Variants in RBMS3 observed in about 807,000 individuals in gnomAD.
RBMS3 encodes the protein RNA binding motif single stranded interacting protein 3.
In RBMS3, 27 loss-of-function variants were observed where a neutral mutation model predicts 66.8. That is an observed-to-expected ratio of 0.40 (90% CI 0.30 to 0.56). The LOEUF (loss-of-function observed/expected upper bound fraction) is 0.56, where lower values mean the gene tolerates loss of function less well. Among genes scored for constraint, RBMS3 ranks in the 20% least tolerant of loss-of-function variants. The pLI is 0.40. For missense variants in RBMS3, 513 were observed against 549.5 expected (o/e 0.93, Z 0.66); for synonymous variants, 188 against 183.0 (o/e 1.03, Z -0.22).
intron 1 of RBMS3, among the ~76,000 whole-genome samples, chr3:29,318,502 C>T (rs2034824287): frequency 6.6e-6 from 1 of 151,812 alleles, no homozygotes; most frequent in Non-Finnish European, 1.5e-5. Context: ...AATGCAAGGT[C>T]CTTACTGTTT....
At chr3:29,442,676 C>T (rs1231659808) in intron 2 of RBMS3, among the ~76,000 whole-genome samples, 2 of 152,178 alleles carry the variant, frequency 1.3e-5, no homozygotes, top group East Asian at 1.9e-4. Flanking sequence ...AAGGGCGGGA[C>T]TCTGGCAAGT....
chr3:29,334,450 C>G (rs190104195), intron 1 of RBMS3, among the ~76,000 whole-genome samples: 6 of 152,062 alleles, frequency 3.9e-5, no homozygotes, highest in African/African-American at 1.4e-4. Context: ...TAAATACTCT[C>G]GTGTCTCTAT....
chr3:29,581,141 G>T (rs992113492), intron 3 of RBMS3, among the ~76,000 whole-genome samples: 9 of 152,080 alleles, frequency 5.9e-5, no homozygotes, highest in Non-Finnish European at 1.3e-4. Context: ...AGACCATATG[G>T]CTATCATATT....
chr3:29,662,608 A>G (rs990057584), intron 4 of RBMS3, among the ~76,000 whole-genome samples: 7 of 152,180 alleles, frequency 4.6e-5, no homozygotes, highest in Non-Finnish European at 1.5e-5. Flanking sequence ...TTGAAAGTAA[A>G]TGCTCACACC....
chr3:29,660,643 T>A (rs2050508648), intron 4 of RBMS3, among the ~76,000 whole-genome samples: 1 of 152,156 alleles, frequency 6.6e-6, no homozygotes, highest in African/African-American at 2.4e-5. Flanking sequence ...GTTTTTTGAA[T>A]GTTGTAGTTT....
At chr3:29,513,174 C>T (rs1332167568) in intron 3 of RBMS3, among the ~76,000 whole-genome samples, 1 of 152,082 alleles carries the variant, frequency 6.6e-6, no homozygotes, top group Non-Finnish European at 1.5e-5. Context: ...CAGTCTGAAC[C>T]TTAGAAAGGT....
chr3:29,508,486 A>G (rs2044270995), intron 3 of RBMS3, among the ~76,000 whole-genome samples: 1 of 152,184 alleles, frequency 6.6e-6, no homozygotes, highest in South Asian at 2.1e-4. Flanking sequence ...TTTGCTGAGA[A>G]TAATGGTTTC....
intron 4 of RBMS3, among the ~76,000 whole-genome samples, chr3:29,646,370 A>G (rs1220123777): frequency 1.3e-5 from 2 of 152,212 alleles, no homozygotes; most frequent in Non-Finnish European, 2.9e-5. Context: ...TAGAAACAGC[A>G]AAGTCAATAA....
At chr3:29,582,918 T>C (rs1329255277) in intron 3 of RBMS3, among the ~76,000 whole-genome samples, 2 of 152,180 alleles carry the variant, frequency 1.3e-5, no homozygotes, top group Non-Finnish European at 2.9e-5. Context: ...TACATAAACT[T>C]CTATTGTAAC....
chr3:29,396,874 C>A lies in RBMS3; in HGVS notation c.76-37869C>A, dbSNP rs2039574217. ...TTTTCTTTAGTAAATACCTAACTTA[C>A]AATCAGGCAGGGACGTTTTCTCTTG... On this transcript the variant is annotated intron_variant, in intron 1 of 14. Coordinates refer to ENST00000383767, the MANE Select transcript of RBMS3 (RefSeq NM_001003793.3). Among the ~76,000 whole-genome samples, 3 of 152,144 alleles carry A rather than the reference C, an allele frequency of 2.0e-5. No homozygotes were observed. In the South Asian group the frequency reaches 6.2e-4, roughly 32 times the overall value.
At chr3:29,282,194 G>T (rs991779310) in intron 1 of RBMS3, among the ~76,000 whole-genome samples, 1 of 152,060 alleles carries the variant, frequency 6.6e-6, no homozygotes, top group Non-Finnish European at 1.5e-5. Context: ...AACGGTGGGG[G>T]TAACTCAAAC....
At chr3:29,878,220 C>T (rs745534452) in intron 7 of RBMS3, among the ~76,000 whole-genome samples, 1 of 152,062 alleles carries the variant, frequency 6.6e-6, no homozygotes, top group Admixed American at 6.6e-5. Context: ...GCCTGCTGCT[C>T]ACCTCCTGCT....
chr3:29,947,220 C>T (rs562632433), intron 12 of RBMS3, among the ~76,000 whole-genome samples: 18 of 151,430 alleles, frequency 1.2e-4, no homozygotes, highest in African/African-American at 4.3e-4. Context: ...AGCAGGTGGC[C>T]ACAGTGGACT....
At chr3:29,521,036 T>A (rs1215954640) in intron 3 of RBMS3, among the ~76,000 whole-genome samples, 1 of 152,122 alleles carries the variant, frequency 6.6e-6, no homozygotes, top group Non-Finnish European at 1.5e-5. Flanking sequence ...CTCCTCTGAC[T>A]TATTATCTAA....
At chr3:29,996,320 G>A (rs1699240903) in intron 14 of RBMS3, among the ~76,000 whole-genome samples, 1 of 150,328 alleles carries the variant, frequency 6.7e-6, no homozygotes, top group Admixed American at 6.6e-5. Flanking sequence ...TTAATAATGG[G>A]AGACTTTAAC....
intron 6 of RBMS3, among the ~76,000 whole-genome samples, chr3:29,772,630 G>A (rs946023381): frequency 6.6e-6 from 1 of 151,946 alleles, no homozygotes; most frequent in Non-Finnish European, 1.5e-5. Context: ...TACAGCCGAG[G>A]AGCAGCATAG....
chr3:29,579,951 G>A (rs3773093), intron 3 of RBMS3, among the ~76,000 whole-genome samples: 26,264 of 152,134 alleles, frequency 0.17, 2,430 homozygotes, highest in African/African-American at 0.25. Context: ...GTATAAAGAA[G>A]CAATTTCTCT....
At chr3:29,634,506 C>T (rs1329914489) in intron 4 of RBMS3, among the ~76,000 whole-genome samples, 1 of 151,840 alleles carries the variant, frequency 6.6e-6, no homozygotes, top group East Asian at 1.9e-4. Context: ...TCATCACTAA[C>T]AAATGGCAAG....
At chr3:29,740,254 A>C (rs1175619533) in intron 5 of RBMS3, among the ~76,000 whole-genome samples, 1 of 152,124 alleles carries the variant, frequency 6.6e-6, no homozygotes, top group Non-Finnish European at 1.5e-5. Context: ...CAAAGCATCT[A>C]AGTGTTTTTG....
Sources: gnomAD v4.1 joint callset for allele counts (sites outside exome capture counted in the v4.1 genomes callset) on GRCh38, gnomAD v4.1.1 for gene constraint, MANE v1.5 for transcripts, NCBI Gene and HGNC (gene_info 2026-07-23, HGNC 2026-07-21) for gene names.